Variants in BACH2 observed in about 807,000 individuals in gnomAD.
BACH2 encodes BACH transcriptional regulator 2.
In BACH2, 5 loss-of-function variants were observed where a neutral mutation model predicts 61.8. That is an observed-to-expected ratio of 0.08 (90% confidence interval 0.04 to 0.17). The LOEUF (loss-of-function observed/expected upper bound fraction) is 0.17, where lower values mean the gene tolerates loss of function less well. BACH2 is among the 10% of genes least tolerant of loss of function. The pLI, the probability that BACH2 is intolerant of heterozygous loss-of-function variation, is 1.00. For missense variants in BACH2, 824 were observed against 1,091.1 expected, an observed-to-expected ratio of 0.76 and a Z score of 3.45; for synonymous variants, 446 against 440.1, an observed-to-expected ratio of 1.01 and a Z score of -0.17.
At chr6:90,290,842 G>C (rs1772156251) in intron 1 of BACH2, among the ~76,000 whole-genome samples, 1 of 152,196 alleles carries the variant, frequency 6.6e-6, no homozygotes. Context: ...AACTCGAAAA[G>C]CTTTCTTCTA....
chr6:90,086,854 C>T (rs1781954931), intron 5 of BACH2, among the ~76,000 whole-genome samples: 1 of 152,184 alleles, frequency 6.6e-6, no homozygotes, highest in Admixed American at 6.5e-5. Flanking sequence ...GATAACCTTC[C>T]TTCCAGGAAT....
intron 4 of BACH2, among the ~76,000 whole-genome samples, chr6:90,152,066 T>A (rs1784829553): frequency 6.6e-6 from 1 of 152,214 alleles, no homozygotes; most frequent in Non-Finnish European, 1.5e-5. Flanking sequence ...TCTGCAGCAA[T>A]AAATCAGCAT....
At chr6:89,999,801 T>C (rs76425805) in intron 6 of BACH2, among the ~76,000 whole-genome samples, 18 of 152,302 alleles carry the variant, frequency 1.2e-4, no homozygotes, top group Admixed American at 6.5e-4. Flanking sequence ...TTTAAAAAAA[T>C]TGATGCAAAC....
intron 6 of BACH2, among the ~76,000 whole-genome samples, chr6:89,994,595 C>T (rs1447914719): frequency 6.6e-6 from 1 of 152,120 alleles, no homozygotes; most frequent in East Asian, 1.9e-4. Context: ...CGGAAGGGAC[C>T]AGGAAGCATT....
chr6:90,208,017 T>G (rs1769210359), intron 3 of BACH2, among the ~76,000 whole-genome samples: 1 of 152,206 alleles, frequency 6.6e-6, no homozygotes, highest in Non-Finnish European at 1.5e-5. Context: ...TGCAAATCAC[T>G]CCTTGGCTAT....
Position 89,950,043 on chromosome 6 carries a change from C to T in BACH2, c.1836+227G>A, listed in dbSNP as rs1028611706. 1.9e-5 allele frequency: 11 copies of T among 592,742 alleles called. No homozygotes were observed. In the Admixed American group the frequency reaches 2.2e-4, roughly 12 times the overall value. 36.7% of individuals were successfully genotyped at this position (592,742 alleles called of 1,614,324 possible). A position where few individuals can be genotyped will look rare whatever the true frequency, so the allele number is the denominator to read the frequency against. ...TACTCAGCAGCTTGCCTCTGCTTGT[C>T]GAGTATTGAGATCCAGATCAAATAT... On this transcript the variant is annotated intron_variant, in intron 7 of 8. Transcript: ENST00000257749. The surrounding 1 kb of genome is among the most constrained non-coding windows in gnomAD (Gnocchi z 5.3).
At chr6:89,995,817 G>A (rs1020716128) in intron 6 of BACH2, among the ~76,000 whole-genome samples, 1 of 152,130 alleles carries the variant, frequency 6.6e-6, no homozygotes, top group East Asian at 1.9e-4. Flanking sequence ...GTTGATGCTC[G>A]CGATATCACT....
chr6:90,225,066 T>TAACAAC (rs749374458), intron 3 of BACH2, among the ~76,000 whole-genome samples: 1,970 of 151,402 alleles, frequency 0.013, 40 homozygotes, highest in African/African-American at 0.042. Context: ...AAATACATCA[T>TAACAAC]AACAACAACA....
chr6:90,295,385 T>C (rs564954940), intron 1 of BACH2, among the ~76,000 whole-genome samples: 1 of 152,216 alleles, frequency 6.6e-6, no homozygotes, highest in East Asian at 1.9e-4. Context: ...CCTGCACGCT[T>C]CCCCTCACGG....
chr6:90,047,201 C>T lies in BACH2; in HGVS notation c.-12-38345G>A, dbSNP rs181863620. 4.1e-4 allele frequency among the ~76,000 whole-genome samples: 63 copies of T among 152,324 alleles called. No homozygotes were observed. In the East Asian group the frequency reaches 8.5e-3, roughly 21 times the overall value. ...CCTCCCAAAGTGCTGGGATTACAGGCGTGAGCCACTGTGCCTGTCCTGCCC... is the reference window on the plus strand; with the variant it reads ...CCTCCCAAAGTGCTGGGATTACAGGTGTGAGCCACTGTGCCTGTCCTGCCC... On this transcript the variant is annotated intron_variant, in intron 5 of 8. Coordinates refer to ENST00000257749, the MANE Select transcript of BACH2 (RefSeq NM_021813.4).
At chr6:90,103,029 A>ATATATATATATATATTTTT in intron 4 of BACH2, among the ~76,000 whole-genome samples, 1 of 21,164 alleles carries the variant, frequency 4.7e-5, no homozygotes, top group African/African-American at 2.4e-4. Flanking sequence ...ATATATATAT[A>ATATATATATATATATTTTT]TTTTTTTTTT....
At chr6:90,235,806 T>A (rs1441131514) in intron 3 of BACH2, among the ~76,000 whole-genome samples, 1 of 152,276 alleles carries the variant, frequency 6.6e-6, no homozygotes, top group Admixed American at 6.5e-5. Context: ...GCCTCCTGAA[T>A]GAACTTACTG....
chr6:90,030,190 C>A (rs371309365), intron 5 of BACH2, among the ~76,000 whole-genome samples: 7 of 152,140 alleles, frequency 4.6e-5, no homozygotes, highest in Non-Finnish European at 1.0e-4. Flanking sequence ...CTATCTCAAA[C>A]TGCCAAACAG....
At position 89,950,550 on chromosome 6, in the gene BACH2, G is replaced by T; in HGVS notation, c.1556C>A (p.Thr519Asn). 6.2e-7 allele frequency: 1 copy of T among 1,611,078 alleles called. No homozygotes were observed. Among genetic ancestry groups the T allele is most frequent in the Non-Finnish European group, 8.5e-7 (1 of 1,177,922 alleles). Residue 519 changes from threonine (T) to asparagine (N), a missense_variant, in exon 7 of 9, where the codon ACT becomes AAT. Thr to Asn is a moderately conservative substitution (Grantham distance 65). Transcript: ENST00000257749. This position sits in a 1 kb window ranked among gnomAD's most constrained non-coding sequence, Gnocchi z 5.3. ...GGAATAGGAAGAGCAGGAGCTGGAAGTCCTGGTCCTGGTCTCCAAGGGGGG... is the reference window on the plus strand; with the variant it reads ...GGAATAGGAAGAGCAGGAGCTGGAATTCCTGGTCCTGGTCTCCAAGGGGGG... ...RSPPLETRTR[T>N]SSSCSSYSYA...
chr6:90,191,817 T>C (rs769132106), intron 4 of BACH2, among the ~76,000 whole-genome samples: 2 of 152,248 alleles, frequency 1.3e-5, no homozygotes, highest in Non-Finnish European at 2.9e-5. Context: ...ATTTATCAAA[T>C]ATCTACAAAG....
intron 6 of BACH2, among the ~76,000 whole-genome samples, chr6:89,999,931 A>G (rs1162239344): frequency 6.6e-6 from 1 of 152,250 alleles, no homozygotes. Flanking sequence ...CGGCTTTGAA[A>G]TCAGGTCACT....
intron 6 of BACH2, among the ~76,000 whole-genome samples, chr6:89,976,869 A>G (rs903665663): frequency 6.6e-6 from 1 of 152,208 alleles, no homozygotes; most frequent in African/African-American, 2.4e-5. Flanking sequence ...AAAATAGCAA[A>G]AAGCAAATTT....
chr6:90,012,778 G>A (rs912744919), intron 5 of BACH2, among the ~76,000 whole-genome samples: 8 of 151,762 alleles, frequency 5.3e-5, no homozygotes, highest in African/African-American at 1.9e-4. Context: ...TGATTCTCCT[G>A]CCTCAGCCTC....
At chr6:90,271,146 T>C (rs1270517667) in intron 2 of BACH2, among the ~76,000 whole-genome samples, 3 of 152,024 alleles carry the variant, frequency 2.0e-5, no homozygotes, top group African/African-American at 7.2e-5. Context: ...AAAACTCTTC[T>C]AGACATTGGC....
Sources: gnomAD v4.1 joint callset for allele counts (sites outside exome capture counted in the v4.1 genomes callset) on GRCh38, gnomAD v4.1.1 for gene constraint, Gnocchi (gnomAD v3.1) non-coding constraint, MANE v1.5 for transcripts, NCBI Gene and HGNC (gene_info 2026-07-23, HGNC 2026-07-21) for gene names.